The following JAZF1 variants were observed in gnomAD, a reference collection of about 807,000 sequenced individuals.
JAZF1 encodes juxtaposed with another zinc finger protein 1.
In JAZF1, 8 loss-of-function variants were observed where a neutral mutation model predicts 26.4. The ratio of observed to expected loss-of-function variants is 0.30; its 90% CI spans 0.18 to 0.55. The LOEUF is 0.55. JAZF1 is among the 20% of genes least tolerant of loss of function. JAZF1 has a pLI of 0.94. For synonymous variants in JAZF1, 126 were observed against 122.3 expected, an observed-to-expected ratio of 1.03 and a Z score of -0.20; for missense variants, 199 against 322.0, an observed-to-expected ratio of 0.62 and a Z score of 2.92.
chr7:28,107,566 T>C (rs1176126564), intron 1 of JAZF1, among the ~76,000 whole-genome samples: 1 of 152,112 alleles, frequency 6.6e-6, no homozygotes, highest in African/African-American at 2.4e-5. Context: ...AGCCAAAAAT[T>C]ACACTGTAGC....
At chr7:28,091,145 T>C (rs1422552560) in intron 1 of JAZF1, among the ~76,000 whole-genome samples, 1 of 152,110 alleles carries the variant, frequency 6.6e-6, no homozygotes, top group East Asian at 1.9e-4. Flanking sequence ...GTTTTTTAAC[T>C]TAAAAGTTAA....
At chr7:27,854,997 C>T (rs1783218673) in intron 3 of JAZF1, among the ~76,000 whole-genome samples, 1 of 152,194 alleles carries the variant, frequency 6.6e-6, no homozygotes, top group African/African-American at 2.4e-5. Flanking sequence ...TTCAGGTACA[C>T]CAATCAAACA....
chr7:28,028,703 G>A lies in JAZF1; in HGVS notation c.116-36722C>T, dbSNP rs1358234577. Among the ~76,000 whole-genome samples, 3 of 152,290 alleles carry A rather than the reference G, an allele frequency of 2.0e-5. No homozygotes were observed. The South Asian group carries it at 6.2e-4, about 32-fold the overall frequency. On this transcript the variant is annotated intron_variant, in intron 1 of 4. Transcript: ENST00000283928. ...CTTTGCCTCAACAACTCTATTAAGC[G>A]TTGGTGAATAACATAACGCAACTAT...
intron 1 of JAZF1, among the ~76,000 whole-genome samples, chr7:28,074,279 A>T (rs1177918914): frequency 1.3e-5 from 2 of 152,252 alleles, no homozygotes; most frequent in Non-Finnish European, 1.5e-5. Context: ...GGCTAAATTT[A>T]GTAATTATTT....
At chr7:28,061,671 G>A (rs1274817967) in intron 1 of JAZF1, among the ~76,000 whole-genome samples, 1 of 152,168 alleles carries the variant, frequency 6.6e-6, no homozygotes, top group East Asian at 1.9e-4. Context: ...TTATGAGATA[G>A]AGCTACACAA....
intron 2 of JAZF1, among the ~76,000 whole-genome samples, chr7:27,918,651 A>C (rs1784481244): frequency 6.6e-6 from 1 of 152,238 alleles, no homozygotes; most frequent in Non-Finnish European, 1.5e-5. Flanking sequence ...AGTTATACAG[A>C]AAATTTGAGA....
At chr7:28,036,560 G>A (rs575481470) in intron 1 of JAZF1, among the ~76,000 whole-genome samples, 3 of 152,328 alleles carry the variant, frequency 2.0e-5, no homozygotes, top group African/African-American at 7.2e-5. Flanking sequence ...CTTGAAAAAG[G>A]CTCGCACTGG....
chr7:28,104,631 C>T (rs922770599), intron 1 of JAZF1, among the ~76,000 whole-genome samples: 3 of 152,158 alleles, frequency 2.0e-5, no homozygotes, highest in African/African-American at 7.2e-5. Context: ...TCATGCTTGA[C>T]CTGTGATTCT....
intron 2 of JAZF1, among the ~76,000 whole-genome samples, chr7:27,966,739 TA>T (rs1341838966): frequency 3.2e-4 from 48 of 152,228 alleles, no homozygotes; most frequent in Non-Finnish European, 2.9e-5. Flanking sequence ...AGCCTTTGAA[TA>T]AACAAAATTC....
At chr7:27,962,054 T>C (rs911968100) in intron 2 of JAZF1, among the ~76,000 whole-genome samples, 4 of 152,238 alleles carry the variant, frequency 2.6e-5, no homozygotes, top group African/African-American at 7.2e-5. Context: ...ATAGATTATT[T>C]AAATAGTGAT....
At chr7:27,948,762 G>A (rs1784959707) in intron 2 of JAZF1, among the ~76,000 whole-genome samples, 1 of 152,156 alleles carries the variant, frequency 6.6e-6, no homozygotes, top group Non-Finnish European at 1.5e-5. Context: ...TGTTTTTGGT[G>A]ATTAAAAAGA....
chr7:28,101,921 G>A (rs1452155645), intron 1 of JAZF1, among the ~76,000 whole-genome samples: 1 of 152,096 alleles, frequency 6.6e-6, no homozygotes, highest in Non-Finnish European at 1.5e-5. Context: ...GATGCTTTTA[G>A]ATATATTTTT....
chr7:27,832,693 TTC>T lies in JAZF1; in HGVS notation c.*105_*106del, dbSNP rs1782729041. 1.1e-6 allele frequency: 1 copy of T among 898,320 alleles called. No individual in the cohort carries two copies. Among genetic ancestry groups the T allele is most frequent in the Non-Finnish European group, 1.6e-6 (1 of 607,774 alleles). The allele number at this position is 898,320 out of a possible 1,614,324, so 55.6% of individuals were successfully genotyped here. ...GAAAAAATTTAAAGCATGCATTTAATTCTTTTTCTTTAAAGGGTTGCTGAATG... is the reference window on the plus strand; with the variant it reads ...GAAAAAATTTAAAGCATGCATTTAATTTTTTCTTTAAAGGGTTGCTGAATG... On this transcript the variant is annotated 3_prime_UTR_variant, in exon 5 of 5. Transcript: ENST00000283928.
At chr7:27,897,457 C>T (rs545231821) in intron 2 of JAZF1, among the ~76,000 whole-genome samples, 23 of 152,286 alleles carry the variant, frequency 1.5e-4, no homozygotes, top group East Asian at 3.9e-4. Flanking sequence ...AATTAACGTA[C>T]GTCTTTTCCC....
intron 1 of JAZF1, among the ~76,000 whole-genome samples, chr7:28,145,104 A>G (rs1783007093): frequency 6.6e-6 from 1 of 152,230 alleles, no homozygotes; most frequent in African/African-American, 2.4e-5. Flanking sequence ...GAATAAAGAA[A>G]CCAAGAGATC....
intron 1 of JAZF1, among the ~76,000 whole-genome samples, chr7:28,125,331 A>C (rs1218665357): frequency 5.9e-5 from 9 of 152,194 alleles, no homozygotes; most frequent in African/African-American, 2.2e-4. Flanking sequence ...AATCACAGAA[A>C]TAAATGTAGT....
chr7:28,013,700 T>C (rs1013074818), intron 1 of JAZF1, among the ~76,000 whole-genome samples: 5 of 152,174 alleles, frequency 3.3e-5, no homozygotes, highest in Non-Finnish European at 5.9e-5. Flanking sequence ...ATAGTAATTC[T>C]ATGAGGGACA....
chr7:27,981,406 G>A (rs1785582486), intron 2 of JAZF1, among the ~76,000 whole-genome samples: 1 of 152,106 alleles, frequency 6.6e-6, no homozygotes, highest in South Asian at 2.1e-4. Flanking sequence ...CCCTGAATTG[G>A]GATGCTAGAC....
intron 2 of JAZF1, among the ~76,000 whole-genome samples, chr7:27,899,430 C>T (rs1413731204): frequency 6.6e-6 from 1 of 152,168 alleles, no homozygotes; most frequent in Admixed American, 6.5e-5. Flanking sequence ...CCTCAGTAAT[C>T]ACGGCTGATG....
Sources: allele counts gnomAD v4.1 joint callset (sites outside exome capture counted in the v4.1 genomes callset), GRCh38; gene constraint gnomAD v4.1.1; transcripts MANE v1.5; gene names NCBI Gene and HGNC (gene_info 2026-07-23, HGNC 2026-07-21).